The following AGBL4 variants were observed in gnomAD, a reference collection of about 807,000 sequenced individuals.
The protein encoded by AGBL4 is AGBL carboxypeptidase 4, also known as cytosolic carboxypeptidase 6.
In AGBL4, 58 loss-of-function variants were observed where a neutral mutation model predicts 66.4. The observed-to-expected ratio is 0.87, with a 90% CI of 0.71 to 1.09. The LOEUF (loss-of-function observed/expected upper bound fraction) is 1.09. AGBL4 is among the 50% of genes least tolerant of loss of function. The probability of loss-of-function intolerance (pLI) is 0.00; values close to 1 mark genes in which losing one functional copy is unlikely to be tolerated. For synonymous variants in AGBL4, 234 were observed against 222.9 expected (o/e 1.05, Z -0.44); for missense variants, 579 against 631.0 (o/e 0.92, Z 0.88).
intron 1 of AGBL4, among the ~76,000 whole-genome samples, chr1:49,923,825 G>A (rs954874522): frequency 3.9e-5 from 6 of 152,094 alleles, no homozygotes; most frequent in Non-Finnish European, 5.9e-5. Context: ...ACTGATGCTG[G>A]CAAGGTTGTG....
At chr1:49,878,026 T>A (rs1445329835) in intron 1 of AGBL4, among the ~76,000 whole-genome samples, 1 of 152,042 alleles carries the variant, frequency 6.6e-6, no homozygotes, top group African/African-American at 2.4e-5. Flanking sequence ...CATTTTTTAT[T>A]GTGTCTCTTT....
chr1:49,634,164 A>G (rs1211435477), intron 3 of AGBL4, among the ~76,000 whole-genome samples: 1 of 152,026 alleles, frequency 6.6e-6, no homozygotes, highest in East Asian at 1.9e-4. Flanking sequence ...TGCTGCACCT[A>G]TCAAACCATC....
At chr1:48,911,621 A>G (rs1262727565) in intron 5 of AGBL4, among the ~76,000 whole-genome samples, 1 of 115,858 alleles carries the variant, frequency 8.6e-6, no homozygotes, top group Non-Finnish European at 1.9e-5. Flanking sequence ...CTCCGTCTCA[A>G]AAAAAAAAAA....
intron 3 of AGBL4, among the ~76,000 whole-genome samples, chr1:49,591,636 T>C (rs1252696922): frequency 6.6e-6 from 1 of 152,068 alleles, no homozygotes; most frequent in Non-Finnish European, 1.5e-5. Flanking sequence ...CCAAGGCAAT[T>C]CTAAGCAAAA....
At chr1:48,763,100 A>AAAC (rs138330596) in intron 6 of AGBL4, among the ~76,000 whole-genome samples, 93 of 151,206 alleles carry the variant, frequency 6.2e-4, no homozygotes, top group African/African-American at 2.0e-3. Context: ...GATTTAATTA[A>AAAC]AACAACAACA....
chr1:49,573,613 C>G (rs916616167), intron 3 of AGBL4, among the ~76,000 whole-genome samples: 2 of 152,142 alleles, frequency 1.3e-5, no homozygotes, highest in South Asian at 4.1e-4. Flanking sequence ...GAAACAGGTA[C>G]TGAGCCTCAA....
chr1:48,950,680 C>T (rs188650869), intron 5 of AGBL4, among the ~76,000 whole-genome samples: 66 of 152,236 alleles, frequency 4.3e-4, no homozygotes, highest in East Asian at 2.5e-3. Context: ...CCAAATGAGA[C>T]GAATGAGGAT....
At chr1:48,985,030 G>C (rs1345492910) in intron 5 of AGBL4, among the ~76,000 whole-genome samples, 2 of 152,078 alleles carry the variant, frequency 1.3e-5, no homozygotes, top group East Asian at 3.9e-4. Flanking sequence ...TTCTAGCTGA[G>C]AAAGAATAAC....
intron 1 of AGBL4, among the ~76,000 whole-genome samples, chr1:50,012,165 C>CAA (rs34501869): frequency 2.2e-3 from 105 of 46,970 alleles, no homozygotes; most frequent in Non-Finnish European, 2.6e-3. Flanking sequence ...GACTCCGTCT[C>CAA]AAAAAAAAAA....
chr1:49,626,709 G>A (rs78262672), intron 3 of AGBL4, among the ~76,000 whole-genome samples: 3,972 of 152,082 alleles, frequency 0.026, 68 homozygotes, highest in Non-Finnish European at 0.042. Context: ...GCCAATCAGA[G>A]GAAGCAGTAG....
At chr1:49,632,697 T>C (rs1200808965) in intron 3 of AGBL4, among the ~76,000 whole-genome samples, 2 of 152,196 alleles carry the variant, frequency 1.3e-5, no homozygotes, top group African/African-American at 2.4e-5. Context: ...CTTCTGCCAC[T>C]GGTCCACATA....
intron 5 of AGBL4, among the ~76,000 whole-genome samples, chr1:48,902,324 T>G (rs1652164424): frequency 6.6e-6 from 1 of 152,068 alleles, no homozygotes; most frequent in Non-Finnish European, 1.5e-5. Flanking sequence ...ATGAGGAAAA[T>G]GAATAGGGAC....
intron 11 of AGBL4, among the ~76,000 whole-genome samples, chr1:48,575,075 G>A (rs1363135879): frequency 1.3e-5 from 2 of 152,170 alleles, no homozygotes; most frequent in African/African-American, 2.4e-5. Flanking sequence ...GAGGCCCTTT[G>A]TCCAAACCCT....
chr1:49,873,328 A>C (rs1341286316), intron 1 of AGBL4, among the ~76,000 whole-genome samples: 1 of 152,060 alleles, frequency 6.6e-6, no homozygotes, highest in Non-Finnish European at 1.5e-5. Flanking sequence ...GAGATCAGAC[A>C]AAATCTGATA....
chr1:48,925,042 G>A (rs1654414370), intron 5 of AGBL4, among the ~76,000 whole-genome samples: 1 of 152,018 alleles, frequency 6.6e-6, no homozygotes, highest in South Asian at 2.1e-4. Flanking sequence ...CATCAAGAGA[G>A]AAGTAAGGTT....
intron 3 of AGBL4, among the ~76,000 whole-genome samples, chr1:49,464,715 G>C (rs1455408510): frequency 6.6e-6 from 1 of 151,614 alleles, no homozygotes; most frequent in Admixed American, 6.6e-5. Flanking sequence ...CAGCAGAGGA[G>C]GAAAAGAAGG....
chr1:49,306,578 C>G (rs1021573938), intron 3 of AGBL4, among the ~76,000 whole-genome samples: 2 of 152,172 alleles, frequency 1.3e-5, no homozygotes, highest in African/African-American at 4.8e-5. Context: ...CCCAATCAAT[C>G]AATGAACTCT....
chr1:49,331,405 G>A (rs970283331), intron 3 of AGBL4, among the ~76,000 whole-genome samples: 18 of 152,140 alleles, frequency 1.2e-4, no homozygotes, highest in African/African-American at 4.3e-4. Flanking sequence ...AACCCTTCAG[G>A]AGGAGGGACA....
intron 5 of AGBL4, among the ~76,000 whole-genome samples, chr1:48,946,619 A>C (rs903012603): frequency 6.6e-6 from 1 of 152,038 alleles, no homozygotes; most frequent in Non-Finnish European, 1.5e-5. Context: ...AAGTTAGCTC[A>C]CTCTGTGTCG....
Sources: allele counts gnomAD v4.1 joint callset (sites outside exome capture counted in the v4.1 genomes callset), GRCh38; gene constraint gnomAD v4.1.1; transcripts MANE v1.5; gene names NCBI Gene and HGNC (gene_info 2026-07-23, HGNC 2026-07-21).